CLSTN1: variants seen among roughly 807,000 people sequenced by gnomAD.
CLSTN1 encodes calsyntenin 1, also known as calsyntenin-1.
CLSTN1 carries 28 observed loss-of-function variants against 108.3 expected under a neutral mutation model. That is an observed-to-expected ratio of 0.26 (90% confidence interval 0.19 to 0.35). The LOEUF (loss-of-function observed/expected upper bound fraction) is 0.35, where lower values mean the gene tolerates loss of function less well. CLSTN1 is among the 10% of genes least tolerant of loss of function. CLSTN1 has a pLI of 1.00. For missense variants in CLSTN1, 1,157 were observed against 1,302.6 expected, an observed-to-expected ratio of 0.89 and a Z score of 1.72; for synonymous variants, 524 against 534.9, an observed-to-expected ratio of 0.98 and a Z score of 0.28.
chr1:9,758,891 C>T (rs367771655), intron 2 of CLSTN1, among the ~76,000 whole-genome samples: 33 of 152,280 alleles, frequency 2.2e-4, no homozygotes, highest in South Asian at 1.7e-3. Flanking sequence ...TGCTGCTGCA[C>T]GTCTACAAGA....
At chr1:9,735,272 T>A (rs1650623276) in intron 13 of CLSTN1, 98 bp from the exon 14 acceptor site, 1 of 1,420,104 alleles carries the variant, frequency 7.0e-7, no homozygotes, top group African/African-American at 1.4e-5. Context: ...AGGCCCCCAC[T>A]AACACCTGCC....
intron 2 of CLSTN1, among the ~76,000 whole-genome samples, chr1:9,762,474 A>AAG (rs1481568992): frequency 1.3e-5 from 2 of 151,648 alleles, no homozygotes; most frequent in East Asian, 3.9e-4. Context: ...AAAAAAAAAA[A>AAG]AGAGAAAATG....
Position 9,749,670 on chromosome 1 carries a change from G to A in CLSTN1, c.800-24C>T, listed in dbSNP as rs202023422. ...TCCTGTGTTGGTCCACAAGTCAGCA[G>A]GGGAAGAGAGAAGGAAAACACACAC... On this transcript the variant is annotated intron_variant, in intron 6 of 18. Coordinates refer to ENST00000377298, the MANE Select transcript of CLSTN1 (RefSeq NM_001009566.3). 6 of 1,611,966 alleles carry A rather than the reference G, an allele frequency of 3.7e-6. No individual in the cohort carries two copies. In the East Asian group the frequency reaches 1.3e-4, roughly 36 times the overall value.
intron 1 of CLSTN1, among the ~76,000 whole-genome samples, chr1:9,800,089 T>C (rs1325776014): frequency 1.3e-5 from 2 of 151,908 alleles, no homozygotes; most frequent in Non-Finnish European, 2.9e-5. Flanking sequence ...CAGTGCTTAG[T>C]GGAAAACTTA....
At chr1:9,810,381 CAGG>C (rs1194261424) in intron 1 of CLSTN1, among the ~76,000 whole-genome samples, 1 of 149,646 alleles carries the variant, frequency 6.7e-6, no homozygotes, top group African/African-American at 2.5e-5. Context: ...GAGGCTGAGG[CAGG>C]AGAATTGCTT....
rs1248903371 is a variant in CLSTN1, at chr1:9,741,236, G to A, written c.1377C>T (p.His459=). The A allele has an allele frequency of 1.2e-6, 2 of 1,612,306 alleles. No individual in the cohort carries two copies. Among genetic ancestry groups the A allele is most frequent in the African/African-American group, 2.7e-5 (2 of 74,878 alleles). ...GGAATTCTACATTGAGGACGTAGTG[G>A]TGCCATTCCTCATCACAGACCTACA... ...KLNQVCDEEW[H]HYVLNVEFPS... Residue 459 remains histidine (H), a synonymous_variant, in exon 10 of 19, where the codon CAC becomes CAT. Transcript: ENST00000377298.
At chr1:9,787,270 G>T (rs1359692069) in intron 1 of CLSTN1, among the ~76,000 whole-genome samples, 1 of 151,108 alleles carries the variant, frequency 6.6e-6, no homozygotes, top group South Asian at 2.2e-4. Context: ...GAAAATAATG[G>T]TGAGTAAAAC....
intron 1 of CLSTN1, chr1:9,781,092 G>T (rs1653221063): frequency 4.4e-6 from 3 of 686,526 alleles, no homozygotes; most frequent in South Asian, 3.3e-5. Flanking sequence ...GAGATTTCAA[G>T]AATTTAGAAT....
intron 2 of CLSTN1, among the ~76,000 whole-genome samples, chr1:9,772,576 A>G (rs1001090534): frequency 2.0e-5 from 3 of 152,224 alleles, no homozygotes; most frequent in African/African-American, 7.2e-5. Flanking sequence ...GGCGCAGCCC[A>G]TTCTCTACCA....
Position 9,749,904 on chromosome 1 carries a change from T to G in CLSTN1, c.659A>C (p.Lys220Thr). ...PFTVDKDGYIKNTEKLNYGKE... is the reference protein window; with the variant it reads ...PFTVDKDGYITNTEKLNYGKE... ...CCCGTAGTTTAATTTCTCTGTGTTT[T>G]TTATATAACCTTACAGAGGGCAAAA... Residue 220 changes from lysine (K) to threonine (T), a missense_variant, in exon 6 of 19, where the codon AAA (lysine) becomes ACA (threonine). By Grantham distance (78) the Lys-to-Thr change is moderately conservative. Transcript: ENST00000377298. The G allele has an allele frequency of 6.2e-7, 1 of 1,613,878 alleles. No homozygotes were observed. Among genetic ancestry groups the G allele is most frequent in the Non-Finnish European group, 8.5e-7 (1 of 1,179,910 alleles).
At chr1:9,748,944 G>A (rs1651415834) in intron 7 of CLSTN1, among the ~76,000 whole-genome samples, 1 of 151,774 alleles carries the variant, frequency 6.6e-6, no homozygotes, top group Non-Finnish European at 1.5e-5. Flanking sequence ...TCACTCTATT[G>A]CCCAGGGTGG....
At chr1:9,760,117 G>A (rs1478028076) in intron 2 of CLSTN1, among the ~76,000 whole-genome samples, 4 of 152,124 alleles carry the variant, frequency 2.6e-5, no homozygotes, top group African/African-American at 9.7e-5. Context: ...TGCCCAGGCT[G>A]GAATGCAATG....
At position 9,734,004 on chromosome 1, in the gene CLSTN1, A is replaced by G; in HGVS notation, c.2249T>C (p.Val750Ala). Residue 750 changes from valine (V) to alanine (A), a missense_variant, in exon 15 of 19, where the codon GTG (valine) becomes GCG (alanine). Transcript: ENST00000377298. This position sits in a 1 kb window ranked among gnomAD's most constrained non-coding sequence, Gnocchi z 4.8. Reference protein sequence around the residue: ...MARLQQKGIEVSSSELGMTFT... With the variant: ...MARLQQKGIEASSSELGMTFT... ...GGTCATGCCCAGTTCAGAGCTGCTC[A>G]CTTCAATGCCCTTCTGCTGCAGGCG... The G allele has an allele frequency of 3.1e-6, 5 of 1,614,048 alleles. No individual in the cohort carries two copies. The highest frequency in any genetic ancestry group is 4.2e-6 in the Non-Finnish European group (5 of 1,180,012).
chr1:9,733,629 C>A, intron 15 of CLSTN1, 83 bp from the exon 16 acceptor site: 3 of 1,530,728 alleles, frequency 2.0e-6, no homozygotes, highest in Non-Finnish European at 2.7e-6. Context: ...CACAGGCAGG[C>A]TCAATTAGAC....
At chr1:9,750,467 G>A (rs1304851482) in intron 5 of CLSTN1, among the ~76,000 whole-genome samples, 2 of 151,772 alleles carry the variant, frequency 1.3e-5, no homozygotes, top group Non-Finnish European at 2.9e-5. Flanking sequence ...ACAGGGTCTC[G>A]TTCTCTTGCC....
In CLSTN1 at chr1:9,736,042, C is replaced by T. The variant is rs772014923; in HGVS notation, c.1577G>A (p.Gly526Asp). ...ETEPVTVASAGGDLHMTQFFR... is the reference protein window; with the variant it reads ...ETEPVTVASADGDLHMTQFFR... Reference sequence around the variant, plus strand: ...AAACTGGGTCATGTGCAGGTCGCCACCTTTGGGTCAGGGGAGAAAAGGCGA... The same window carrying T: ...AAACTGGGTCATGTGCAGGTCGCCATCTTTGGGTCAGGGGAGAAAAGGCGA... The change falls in exon 12 of 19, where the codon GGT becomes GAT. Residue 526 changes from glycine (G) to aspartate (D), a missense_variant and splice_region_variant. By Grantham distance (94) the Gly-to-Asp change is moderately conservative. Coordinates refer to ENST00000377298, the MANE Select transcript of CLSTN1 (RefSeq NM_001009566.3). 2.5e-6 allele frequency: 4 copies of T among 1,614,044 alleles called. No individual in the cohort carries two copies. In the African/African-American group the frequency reaches 4.0e-5, roughly 16 times the overall value.
chr1:9,787,349 T>C lies in CLSTN1; in HGVS notation c.92-13955A>G, dbSNP rs1411042155. ...TGAATTTGAAACAGAACCTGCAAAGTAATCCTCACTTCCTACAATTGCAAC... is the reference window on the plus strand; with the variant it reads ...TGAATTTGAAACAGAACCTGCAAAGCAATCCTCACTTCCTACAATTGCAAC... On this transcript the variant is annotated intron_variant, in intron 1 of 18. Coordinates refer to ENST00000377298, the MANE Select transcript of CLSTN1 (RefSeq NM_001009566.3). Among the ~76,000 whole-genome samples, 4 of 151,060 alleles carry C rather than the reference T, an allele frequency of 2.6e-5. 1 individual carries two copies. The Admixed American group carries it at 2.7e-4, about 10-fold the overall frequency.
rs1491477453 is a variant in CLSTN1 at position 9,734,589 on chromosome 1, A to AAG, written c.2110+358_2110+359insCT. Among the ~76,000 whole-genome samples the AAG allele has an allele frequency of 1.3e-5, 2 of 149,126 alleles. No homozygotes were observed. Among genetic ancestry groups the AAG allele is most frequent in the Non-Finnish European group, 1.5e-5 (1 of 67,294 alleles). Reference sequence around the variant, plus strand: ...GACTCCATCTCAAAAAAAAAAAAAAAGGGGGGGAGTTTCATGTGTCCTGAG... The same window carrying AAG: ...GACTCCATCTCAAAAAAAAAAAAAAAAGGGGGGGGAGTTTCATGTGTCCTGAG... On this transcript the variant is annotated intron_variant, in intron 14 of 18. Coordinates refer to ENST00000377298, the MANE Select transcript of CLSTN1 (RefSeq NM_001009566.3). The surrounding 1 kb of genome is among the most constrained non-coding windows in gnomAD (Gnocchi z 4.8).
Position 9,730,751 on chromosome 1 carries a change from G to T in CLSTN1, c.2749-46C>A, listed in dbSNP as rs898274911. On this transcript the variant is annotated intron_variant, in intron 18 of 18. Coordinates refer to ENST00000377298, the MANE Select transcript of CLSTN1 (RefSeq NM_001009566.3). This position sits in a 1 kb window ranked among gnomAD's most constrained non-coding sequence, Gnocchi z 5.6. ...CCACATGAGTCCGGCCCTGCCCACA[G>T]CCCCGTCACCTGGCATTCTCCTCTC... 6.6e-7 allele frequency: 1 copy of T among 1,521,082 alleles called. No individual in the cohort carries two copies. Among genetic ancestry groups the T allele is most frequent in the Non-Finnish European group, 8.9e-7 (1 of 1,125,286 alleles). The allele number at this position is 1,521,082 out of a possible 1,614,324, so 94.2% of individuals were successfully genotyped here. A position where few individuals can be genotyped will look rare whatever the true frequency, so the allele number is the denominator to read the frequency against.
Sources: gnomAD v4.1 joint callset for allele counts (sites outside exome capture counted in the v4.1 genomes callset) on GRCh38, gnomAD v4.1.1 for gene constraint, Gnocchi (gnomAD v3.1) non-coding constraint, MANE v1.5 for transcripts, NCBI Gene and HGNC (gene_info 2026-07-23, HGNC 2026-07-21) for gene names.